TPD52L1: variants seen among roughly 807,000 people sequenced by gnomAD.
The protein encoded by TPD52L1 is TPD52 like 1, also known as tumor protein D53.
In TPD52L1, 18 loss-of-function variants were observed where a neutral mutation model predicts 28.7. That is an observed-to-expected ratio of 0.63 (90% CI 0.43 to 0.93). The LOEUF is 0.93. Among genes scored for constraint, TPD52L1 ranks in the 40% least tolerant of loss-of-function variants. The pLI, the probability that TPD52L1 is intolerant of heterozygous loss-of-function variation, is 0.00. For missense variants in TPD52L1, 203 were observed against 254.8 expected (o/e 0.80, Z 1.39); for synonymous variants, 75 against 88.8 (o/e 0.84, Z 0.88).
intron 1 of TPD52L1, among the ~76,000 whole-genome samples, chr6:125,182,152 C>T (rs767194997): frequency 1.6e-4 from 24 of 152,144 alleles, no homozygotes; most frequent in Admixed American, 5.9e-4. Flanking sequence ...CTGCCTGGGG[C>T]CTTTTAAAAG....
chr6:125,229,391 C>G, intron 3 of TPD52L1, 125 bp downstream of exon 3: 1 of 973,254 alleles, frequency 1.0e-6, no homozygotes, highest in Non-Finnish European at 1.5e-6. Flanking sequence ...AATACTTTCT[C>G]TAAAAGCAAA....
intron 1 of TPD52L1, among the ~76,000 whole-genome samples, chr6:125,194,162 A>G (rs1562259115): frequency 2.0e-5 from 3 of 150,656 alleles, no homozygotes; most frequent in Non-Finnish European, 2.9e-5. Context: ...TAATTATAGG[A>G]TTAGTTTTAG....
At chr6:125,217,627 A>T (rs991937538) in intron 1 of TPD52L1, among the ~76,000 whole-genome samples, 4 of 152,144 alleles carry the variant, frequency 2.6e-5, no homozygotes, top group African/African-American at 9.7e-5. Context: ...CCGTGGTGTG[A>T]TCTGGTTCCT....
intron 1 of TPD52L1, among the ~76,000 whole-genome samples, chr6:125,155,156 T>C (rs118029456): frequency 0.021 from 3,167 of 152,284 alleles, 47 homozygotes; most frequent in Non-Finnish European, 0.031. Flanking sequence ...ATTATGTAGA[T>C]AGGAAATGAT....
At chr6:125,261,286 G>T (rs528703710) in intron 6 of TPD52L1, 45 of 152,186 alleles carry the variant, frequency 3.0e-4, no homozygotes, top group African/African-American at 1.1e-3. Flanking sequence ...CAATTAGAGC[G>T]AAGTGTGTTT....
chr6:125,231,875 C>T (rs943456618), intron 3 of TPD52L1, among the ~76,000 whole-genome samples: 5 of 152,052 alleles, frequency 3.3e-5, no homozygotes, highest in Non-Finnish European at 7.4e-5. Flanking sequence ...CATCTTAATG[C>T]CGATCCCATA....
intron 1 of TPD52L1, among the ~76,000 whole-genome samples, chr6:125,167,135 C>T (rs75802418): frequency 0.015 from 2,286 of 152,140 alleles, 57 homozygotes; most frequent in African/African-American, 0.053. Context: ...CGTGGTAGTG[C>T]ATGCCTGTAG....
chr6:125,191,648 T>C (rs1793051163), intron 1 of TPD52L1, among the ~76,000 whole-genome samples: 1 of 152,132 alleles, frequency 6.6e-6, no homozygotes, highest in Non-Finnish European at 1.5e-5. Context: ...GTGCAGACAT[T>C]CTGAGTGTAA....
intron 4 of TPD52L1, chr6:125,248,608 C>A: frequency 2.0e-6 from 1 of 496,086 alleles, no homozygotes; most frequent in Non-Finnish European, 3.6e-6. Context: ...GCTGTTTCTA[C>A]TAGGACCCGA....
At chr6:125,172,733 T>C (rs2114791780) in intron 1 of TPD52L1, among the ~76,000 whole-genome samples, 1 of 149,962 alleles carries the variant, frequency 6.7e-6, no homozygotes, top group East Asian at 2.0e-4. Flanking sequence ...GCCCAAGATA[T>C]TTTGCTGTTG....
Position 125,253,996 on chromosome 6 carries a change from T to G in TPD52L1, c.425+241T>G, listed in dbSNP as rs553402043. On this transcript the variant is annotated intron_variant, in intron 5 of 6. Coordinates refer to ENST00000534000, the MANE Select transcript of TPD52L1 (RefSeq NM_003287.4). ...GACAAGTGACTTAACCTCAATTCTT[T>G]TATCCATATATTGCAAGAAATAAGA... The G allele has an allele frequency of 5.4e-5, 38 of 706,150 alleles. No individual in the cohort carries two copies. The East Asian group carries it at 9.4e-4, about 17-fold the overall frequency. The allele number at this position is 706,150 out of a possible 1,614,324, so 43.7% of individuals were successfully genotyped here.
intron 1 of TPD52L1, among the ~76,000 whole-genome samples, chr6:125,188,621 G>T (rs113692968): frequency 6.6e-6 from 1 of 152,062 alleles, no homozygotes; most frequent in African/African-American, 2.4e-5. Context: ...CTTATTATAT[G>T]CATTCCAAAC....
intron 1 of TPD52L1, among the ~76,000 whole-genome samples, chr6:125,198,414 C>T (rs771518682): frequency 9.2e-5 from 14 of 152,106 alleles, no homozygotes; most frequent in African/African-American, 3.4e-4. Flanking sequence ...TAGAGTTATA[C>T]CCAGTTCTAT....
intron 3 of TPD52L1, among the ~76,000 whole-genome samples, chr6:125,244,002 A>G (rs1454661107): frequency 6.6e-6 from 1 of 152,116 alleles, no homozygotes; most frequent in Admixed American, 6.6e-5. Flanking sequence ...CCTCTTAAGG[A>G]TTAGACTTTA....
chr6:125,173,350 T>C (rs2114793834), intron 1 of TPD52L1, among the ~76,000 whole-genome samples: 1 of 152,358 alleles, frequency 6.6e-6, no homozygotes, highest in Non-Finnish European at 1.5e-5. Flanking sequence ...AGCTTGGTTG[T>C]CCTCCCTATT....
rs3839552 is a variant in TPD52L1, at chr6:125,157,564, TA to T, written c.19+3596del. Among the ~76,000 whole-genome samples the T allele has an allele frequency of 1.1e-3, 160 of 152,254 alleles. 2 individuals carry two copies. In the East Asian group the frequency reaches 0.026, roughly 25 times the overall value. On this transcript the variant is annotated intron_variant, in intron 1 of 6. Coordinates refer to ENST00000534000, the MANE Select transcript of TPD52L1 (RefSeq NM_003287.4). Reference sequence around the variant, plus strand: ...CCTCTGGTACCAGATAATTTTGCTTTAAGACAACTGATATGTTAGAGAGGGA... The same window carrying T: ...CCTCTGGTACCAGATAATTTTGCTTTAGACAACTGATATGTTAGAGAGGGA...
At chr6:125,207,921 G>A (rs1794252870) in intron 1 of TPD52L1, among the ~76,000 whole-genome samples, 1 of 152,156 alleles carries the variant, frequency 6.6e-6, no homozygotes, top group Non-Finnish European at 1.5e-5. Flanking sequence ...GGAGGACGAG[G>A]CAAGATAAGA....
At chr6:125,204,612 TG>T (rs1271821386) in intron 1 of TPD52L1, among the ~76,000 whole-genome samples, 1 of 152,104 alleles carries the variant, frequency 6.6e-6, no homozygotes, top group Non-Finnish European at 1.5e-5. Context: ...CCCTAGTAGC[TG>T]GGACTACAGG....
intron 1 of TPD52L1, among the ~76,000 whole-genome samples, chr6:125,192,116 G>T (rs1252789567): frequency 6.6e-6 from 1 of 152,106 alleles, no homozygotes; most frequent in Middle Eastern, 3.2e-3. Flanking sequence ...GAGGGGCTGA[G>T]GTTGGCTTTG....
Sources: gnomAD v4.1 joint callset for allele counts (sites outside exome capture counted in the v4.1 genomes callset) on GRCh38, gnomAD v4.1.1 for gene constraint, MANE v1.5 for transcripts, NCBI Gene and HGNC (gene_info 2026-07-23, HGNC 2026-07-21) for gene names.